NBPF8: variants seen among roughly 807,000 people sequenced by gnomAD.
NBPF8 encodes NBPF member 8, also known as NBPF family member NBPF8.
In NBPF8 at chr1:120,422,855, C is replaced by T. The variant is rs1268492157; in HGVS notation, n.269+2737C>T. On this transcript the variant is annotated intron_variant and non_coding_transcript_variant, in intron 1 of 28. Coordinates refer to the NBPF8 transcript ENST00000652355. Reference sequence around the variant, plus strand: ...TTCTGATAGGTTTACAGTGATATCTCGTTTTAATGTGCAATTCCCTCACAA... The same window carrying T: ...TTCTGATAGGTTTACAGTGATATCTTGTTTTAATGTGCAATTCCCTCACAA... Among the ~76,000 whole-genome samples, 7 of 97,222 alleles carry T rather than the reference C, an allele frequency of 7.2e-5. 2 individuals carry two copies. Among genetic ancestry groups the T allele is most frequent in the African/African-American group, 1.7e-4 (3 of 17,428 alleles). The allele number at this position is 97,222 out of a possible 152,430, so 63.8% of individuals were successfully genotyped here.
At chr1:120,457,741 A>ATG (rs1157926391) in intron 16 of NBPF8, among the ~76,000 whole-genome samples, 1 of 67,060 alleles carries the variant, frequency 1.5e-5, no homozygotes, top group Non-Finnish European at 2.7e-5. Context: ...AAAAAAATAT[A>ATG]TATATATATA....
At chr1:120,428,050 ATTAGGC>A (rs1199757235) in intron 3 of NBPF8, among the ~76,000 whole-genome samples, 1 of 152,242 alleles carries the variant, frequency 6.6e-6, no homozygotes, top group Non-Finnish European at 1.5e-5. Flanking sequence ...TCTTTATTGC[ATTAGGC>A]TTAAATTTTT....
upstream of NBPF8, among the ~76,000 whole-genome samples, chr1:120,431,577 G>T (rs1660880908): frequency 6.6e-6 from 1 of 151,512 alleles, no homozygotes; most frequent in Non-Finnish European, 1.5e-5. Context: ...GTGCAACAAT[G>T]AGATACCACT....
exon 25 of NBPF8, chr1:120,466,446 C>T (rs1661753871): frequency 2.8e-5 from 14 of 498,008 alleles, no homozygotes; most frequent in South Asian, 2.3e-4. Flanking sequence ...GCAGCACATG[C>T]CGGGAGTGAT....
chr1:120,424,525 G>T (rs1196015609), intron 1 of NBPF8, among the ~76,000 whole-genome samples: 2 of 152,144 alleles, frequency 1.3e-5, no homozygotes, highest in Admixed American at 6.5e-5. Flanking sequence ...TCAGCTCACT[G>T]CAACCTCCAC....
chr1:120,467,606 G>C (rs1661772355), exon 25 of NBPF8: 1 of 135,266 alleles, frequency 7.4e-6, no homozygotes, highest in Non-Finnish European at 1.6e-5. Flanking sequence ...GCAAATTTTG[G>C]GTCTCAATTT....
At chr1:120,452,883 C>T (rs1470102988) in intron 13 of NBPF8, among the ~76,000 whole-genome samples, 3 of 152,184 alleles carry the variant, frequency 2.0e-5, no homozygotes, top group Admixed American at 6.5e-5. Context: ...GTAGGAAGTG[C>T]TTCAGACTGG....
Position 120,465,935 on chromosome 1 carries a change from T to C in NBPF8, n.3569-43T>C, listed in dbSNP as rs1463239242. On this transcript the variant is annotated intron_variant and non_coding_transcript_variant, in intron 24 of 24. Coordinates refer to ENST00000583271, the Ensembl canonical transcript of NBPF8. The stretch of plus-strand genomic sequence containing the variant: ...AAATCTAGTGGGGCTCTGTGGTGTC[T>C]GATTTTCCCTGGCTGCTTCTTTAGT... 1.0e-4 allele frequency: 168 copies of C among 1,611,758 alleles called. No homozygotes were observed. The African/African-American group carries it at 1.4e-3, about 14-fold the overall frequency.
At chr1:120,415,214 G>A (rs1294360665), upstream of NBPF8, among the ~76,000 whole-genome samples, 3 of 152,206 alleles carry the variant, frequency 2.0e-5, no homozygotes, top group African/African-American at 7.2e-5. Context: ...GAGGCGCGGC[G>A]CACGGATGCC....
chr1:120,464,431 G>A (rs1402876347), exon 23 of NBPF8: 4 of 769,296 alleles, frequency 5.2e-6, no homozygotes, highest in Non-Finnish European at 9.6e-6. Context: ...GGACTCACTG[G>A]ATAGATGTTA....
At chr1:120,450,104 G>C (rs1217461390) in intron 11 of NBPF8, among the ~76,000 whole-genome samples, 1 of 152,078 alleles carries the variant, frequency 6.6e-6, no homozygotes, top group Non-Finnish European at 1.5e-5. Flanking sequence ...GCAGGTGACT[G>C]TAATCACCCC....
upstream of NBPF8, chr1:120,433,744 C>T: frequency 5.2e-6 from 1 of 192,222 alleles, no homozygotes. Flanking sequence ...ATCAGCAGGC[C>T]TAGCGTCTTG....
At chr1:120,425,519 C>A (rs1265916746) in intron 1 of NBPF8, among the ~76,000 whole-genome samples, 8 of 152,166 alleles carry the variant, frequency 5.3e-5, no homozygotes, top group African/African-American at 1.9e-4. Flanking sequence ...ACATCCCCCT[C>A]TCTGGAAATG....
chr1:120,461,400 G>A (rs1258129512), exon 19 of NBPF8: 43 of 993,418 alleles, frequency 4.3e-5, no homozygotes, highest in African/African-American at 6.1e-5. Flanking sequence ...GAGCAACAGC[G>A]TGTTGGCTTG....
chr1:120,464,159 G>T (rs1427820380), intron 22 of NBPF8, among the ~76,000 whole-genome samples: 14 of 109,128 alleles, frequency 1.3e-4, no homozygotes, highest in African/African-American at 6.1e-4. Context: ...GTGTGTGTGT[G>T]TGTGTGTGTG....
intron 1 of NBPF8, among the ~76,000 whole-genome samples, chr1:120,423,062 C>T (rs1475211429): frequency 2.4e-5 from 3 of 125,524 alleles, no homozygotes; most frequent in Non-Finnish European, 4.8e-5. Context: ...TATTTTCTCC[C>T]AGTCTGTGAC....
chr1:120,451,991 C>A (rs146245381), intron 12 of NBPF8, 126 bp from the exon 11 acceptor site: 9 of 1,072,690 alleles, frequency 8.4e-6, no homozygotes, highest in South Asian at 1.3e-5. Context: ...ACATTCCTTT[C>A]AACATGTGCT....
At chr1:120,454,145 T>A in intron 15 of NBPF8, 31 bp downstream of exon 13, 1 of 1,606,814 alleles carries the variant, frequency 6.2e-7, no homozygotes, top group Non-Finnish European at 8.5e-7. Context: ...GTCTCATACC[T>A]CTCTCTAGGC....
intron 11 of NBPF8, 58 bp downstream of exon 9, chr1:120,449,460 G>C (rs1333470147): frequency 1.6e-6 from 2 of 1,271,916 alleles, no homozygotes; most frequent in Non-Finnish European, 2.3e-6. Context: ...TCTTCTCTCT[G>C]AGACACTAAA....
Sources: allele counts gnomAD v4.1 joint callset (sites outside exome capture counted in the v4.1 genomes callset), GRCh38; gene constraint gnomAD v4.1.1; transcripts MANE v1.5; gene names NCBI Gene and HGNC (gene_info 2026-07-23, HGNC 2026-07-21).